IRAG1: variants seen among roughly 807,000 people sequenced by gnomAD.
IRAG1 encodes the protein IP3R-associated cGMP kinase substrate.
Under a neutral mutation model 106.2 loss-of-function variants are expected in IRAG1, and 62 were observed. The ratio of observed to expected loss-of-function variants is 0.58; its 90% CI spans 0.48 to 0.72. The LOEUF is 0.72. Ranked by LOEUF, IRAG1 falls within the 30% of genes least tolerant of loss-of-function variation. The pLI, the probability that IRAG1 is intolerant of heterozygous loss-of-function variation, is 0.00. For missense variants in IRAG1, 1,064 were observed against 1,140.7 expected, an observed-to-expected ratio of 0.93 and a Z score of 0.97; for synonymous variants, 462 against 443.9, an observed-to-expected ratio of 1.04 and a Z score of -0.51.
intron 18 of IRAG1, among the ~76,000 whole-genome samples, chr11:10,584,415 T>C (rs530745094): frequency 6.6e-6 from 1 of 152,138 alleles, no homozygotes; most frequent in African/African-American, 2.4e-5. Flanking sequence ...ATTTCTCCTT[T>C]TGCAAATTAC....
chr11:10,602,814 C>A (rs77894718), intron 14 of IRAG1, among the ~76,000 whole-genome samples: 1,829 of 152,292 alleles, frequency 0.012, 19 homozygotes, highest in South Asian at 0.027. Context: ...AGTGAACCAG[C>A]CTTCTCCACC....
At chr11:10,603,615 C>T (rs1218007590) in intron 13 of IRAG1, among the ~76,000 whole-genome samples, 1 of 152,036 alleles carries the variant, frequency 6.6e-6, no homozygotes, top group Non-Finnish European at 1.5e-5. Context: ...GCGGCCTGGC[C>T]CAGGGGATGC....
intron 18 of IRAG1, among the ~76,000 whole-genome samples, chr11:10,587,818 T>C (rs74317851): frequency 0.023 from 3,544 of 152,298 alleles, 146 homozygotes; most frequent in African/African-American, 0.081. Flanking sequence ...CTCTTCTCTA[T>C]GGTCACACTG....
intron 19 of IRAG1, 26 bp from the exon 20 acceptor site, chr11:10,580,615 G>A (rs1194917157): frequency 1.2e-6 from 2 of 1,610,460 alleles, no homozygotes; most frequent in Non-Finnish European, 1.7e-6. Context: ...GAACAGTTGA[G>A]TCTGGAAAGG....
chr11:10,617,401 T>C (rs145373626), intron 10 of IRAG1, among the ~76,000 whole-genome samples: 3 of 152,306 alleles, frequency 2.0e-5, no homozygotes, highest in African/African-American at 7.2e-5. Flanking sequence ...ATTAAAAGTA[T>C]TAGAGTTTAA....
chr11:10,592,593 T>C (rs1396436393), intron 17 of IRAG1, among the ~76,000 whole-genome samples: 4 of 152,152 alleles, frequency 2.6e-5, no homozygotes, highest in Non-Finnish European at 4.4e-5. Flanking sequence ...AGGCAGGGGA[T>C]AGAGAAACCA....
Position 10,576,410 on chromosome 11 carries a change from T to G in IRAG1, c.2661A>C (p.Gly887=). ...TCTGGGCTGCCGAGCAAGTGGATCT[T>G]CCAAGGGGCCCATCAGCCTGCTCTG... The part of the protein sequence containing the change: ...SCAEQADGPL[G]RSTCSAAQRD... The change falls in exon 21 of 21, where the codon GGA becomes GGC. Residue 887 remains glycine, a synonymous_variant. Transcript: ENST00000423302. 6.2e-7 allele frequency: 1 copy of G among 1,613,936 alleles called. No homozygotes were observed. Among genetic ancestry groups the G allele is most frequent in the Non-Finnish European group, 8.5e-7 (1 of 1,179,878 alleles).
intron 1 of IRAG1, among the ~76,000 whole-genome samples, chr11:10,681,542 T>C (rs1311201375): frequency 6.6e-6 from 1 of 152,192 alleles, no homozygotes; most frequent in Non-Finnish European, 1.5e-5. Context: ...CTGTCAATTA[T>C]TGCTCTGAGA....
At chr11:10,637,682 C>T (rs1393508598) in intron 2 of IRAG1, among the ~76,000 whole-genome samples, 1 of 152,042 alleles carries the variant, frequency 6.6e-6, no homozygotes, top group African/African-American at 2.4e-5. Context: ...TTTTTCCCAT[C>T]TTTTGTTCAG....
intron 2 of IRAG1, among the ~76,000 whole-genome samples, chr11:10,635,664 C>T (rs1422066833): frequency 2.0e-5 from 3 of 152,210 alleles, no homozygotes. Context: ...GGGTCTCATA[C>T]AGTGCTATCT....
intron 1 of IRAG1, among the ~76,000 whole-genome samples, chr11:10,660,517 C>T (rs1324137522): frequency 1.3e-5 from 2 of 152,092 alleles, no homozygotes; most frequent in Non-Finnish European, 2.9e-5. Flanking sequence ...AGGGCCTTTT[C>T]CCCCCAGAGA....
chr11:10,594,401 T>C (rs1244581846), intron 15 of IRAG1, among the ~76,000 whole-genome samples: 1 of 152,126 alleles, frequency 6.6e-6, no homozygotes, highest in East Asian at 1.9e-4. Flanking sequence ...ACAAAACCTT[T>C]ATCCTAACTC....
intron 1 of IRAG1, among the ~76,000 whole-genome samples, chr11:10,658,916 C>T (rs1026310771): frequency 6.7e-6 from 1 of 149,130 alleles, no homozygotes; most frequent in Non-Finnish European, 1.5e-5. Flanking sequence ...GCTGTGCTCA[C>T]CCCATGTCTG....
Position 10,603,144 on chromosome 11 carries a change from A to C in IRAG1, c.1851T>G (p.Ala617=). 6.2e-7 allele frequency: 1 copy of C among 1,611,624 alleles called. No individual in the cohort carries two copies. The highest frequency in any genetic ancestry group is 8.5e-7 in the Non-Finnish European group (1 of 1,179,080). The change falls in exon 14 of 21, where the codon GCT becomes GCG. Residue 617 remains alanine (A), a synonymous_variant. Transcript: ENST00000423302. The part of the protein sequence containing the change: ...HRLAARLSSR[A]EVVGAVRQEK... ...CCTGGCGGACGGCGCCTACCACCTC[A>C]GCTCGGCTGGAGAGGCGGGCAGCCA...
At chr11:10,614,025 C>T (rs1016779335) in intron 10 of IRAG1, among the ~76,000 whole-genome samples, 11 of 152,156 alleles carry the variant, frequency 7.2e-5, no homozygotes, top group East Asian at 1.9e-4. Context: ...CTGACAACTA[C>T]GGGCCACCCT....
intron 2 of IRAG1, among the ~76,000 whole-genome samples, chr11:10,636,182 G>A (rs750314619): frequency 3.9e-5 from 6 of 152,214 alleles, no homozygotes; most frequent in Admixed American, 6.5e-5. Context: ...AGGTACCTAT[G>A]CATGATTGAC....
intron 1 of IRAG1, among the ~76,000 whole-genome samples, chr11:10,653,725 C>T (rs1010286174): frequency 4.1e-4 from 63 of 152,134 alleles, no homozygotes; most frequent in African/African-American, 1.5e-3. Flanking sequence ...GAAACACACT[C>T]AGTTCACAGT....
At chr11:10,655,588 G>T (rs1443730411) in intron 1 of IRAG1, among the ~76,000 whole-genome samples, 1 of 152,088 alleles carries the variant, frequency 6.6e-6, no homozygotes, top group African/African-American at 2.4e-5. Flanking sequence ...GTAAAGCCTG[G>T]GACAAGGGTC....
chr11:10,640,288 G>A (rs1479179827), intron 2 of IRAG1, among the ~76,000 whole-genome samples: 1 of 152,212 alleles, frequency 6.6e-6, no homozygotes, highest in Non-Finnish European at 1.5e-5. Context: ...GGTGGCAAGT[G>A]CCAAGCAGGT....
Sources: allele counts gnomAD v4.1 joint callset (sites outside exome capture counted in the v4.1 genomes callset), GRCh38; gene constraint gnomAD v4.1.1; transcripts MANE v1.5; gene names NCBI Gene and HGNC (gene_info 2026-07-23, HGNC 2026-07-21).